The following RAD51 variants were observed in gnomAD, a reference collection of about 807,000 sequenced individuals.
RAD51 encodes the protein RAD51 recombinase.
A neutral mutation model predicts 41.5 loss-of-function variants in RAD51; 14 were observed. The observed-to-expected ratio is 0.34, with a 90% CI of 0.22 to 0.53. RAD51 has a LOEUF of 0.53. Among genes scored for constraint, RAD51 ranks in the 20% least tolerant of loss-of-function variants. RAD51 has a pLI of 0.95. For synonymous variants in RAD51, 136 were observed against 148.6 expected (o/e 0.92, Z 0.62); for missense variants, 234 against 422.0 (o/e 0.55, Z 3.90).
intron 2 of RAD51, 47 bp downstream of exon 2, chr15:40,698,892 A>G (rs1894816576): frequency 6.4e-7 from 1 of 1,554,306 alleles, no homozygotes; most frequent in African/African-American, 1.4e-5. Flanking sequence ...AGATTCTTCT[A>G]CCTAGTGGAA....
chr15:40,715,995 G>C (rs991510449), intron 5 of RAD51, among the ~76,000 whole-genome samples: 1 of 152,126 alleles, frequency 6.6e-6, no homozygotes, highest in Non-Finnish European at 1.5e-5. Context: ...TGTGTCCTTT[G>C]CTCCTTCCAT....
intron 6 of RAD51, among the ~76,000 whole-genome samples, chr15:40,724,821 G>A (rs758560916): frequency 1.1e-4 from 16 of 148,878 alleles, no homozygotes; most frequent in Admixed American, 2.7e-4. Flanking sequence ...TGGGACTACA[G>A]GCTTCCGCCA....
At chr15:40,712,877 CTTTTTTT>C (rs398039433) in intron 5 of RAD51, among the ~76,000 whole-genome samples, 2 of 103,898 alleles carry the variant, frequency 1.9e-5, no homozygotes, top group Non-Finnish European at 3.6e-5. Context: ...CTTTTCTTTT[CTTTTTTT>C]TTTTTTTTTT....
chr15:40,717,300 T>C (rs1160726495), intron 5 of RAD51, among the ~76,000 whole-genome samples: 1 of 151,980 alleles, frequency 6.6e-6, no homozygotes, highest in African/African-American at 2.4e-5. Context: ...ATCATGCCAT[T>C]GCACTCCAGC....
chr15:40,725,993 CA>C (rs1307737226), intron 6 of RAD51, among the ~76,000 whole-genome samples: 1 of 151,410 alleles, frequency 6.6e-6, no homozygotes, highest in Non-Finnish European at 1.5e-5. Flanking sequence ...CTCAAAAAAA[CA>C]AAACAACAAA....
chr15:40,720,250 A>ATT (rs1271160665), intron 6 of RAD51, among the ~76,000 whole-genome samples: 1 of 151,694 alleles, frequency 6.6e-6, no homozygotes, highest in Non-Finnish European at 1.5e-5. Context: ...AGCCTGGCTA[A>ATT]TTTTTGTATT....
At chr15:40,719,787 G>A (rs982278468) in intron 6 of RAD51, among the ~76,000 whole-genome samples, 3 of 151,752 alleles carry the variant, frequency 2.0e-5, no homozygotes, top group Non-Finnish European at 2.9e-5. Context: ...AGCCGAGATC[G>A]CGCCACTGCA....
At chr15:40,704,537 T>C (rs553849992) in intron 3 of RAD51, among the ~76,000 whole-genome samples, 1 of 151,364 alleles carries the variant, frequency 6.6e-6, no homozygotes, top group East Asian at 1.9e-4. Flanking sequence ...ATTTTTTGTA[T>C]TTTTAGTAGA....
At chr15:40,716,391 A>G (rs931046006) in intron 5 of RAD51, among the ~76,000 whole-genome samples, 2 of 151,736 alleles carry the variant, frequency 1.3e-5, no homozygotes, top group Non-Finnish European at 2.9e-5. Context: ...TTTTTAGACA[A>G]AGTCTCACTC....
chr15:40,711,288 C>T (rs1332313725), intron 5 of RAD51, among the ~76,000 whole-genome samples: 2 of 152,118 alleles, frequency 1.3e-5, no homozygotes, highest in Non-Finnish European at 2.9e-5. Flanking sequence ...ATTAGCCCAG[C>T]ATGATGATGT....
At chr15:40,713,186 T>C (rs1450933287) in intron 5 of RAD51, among the ~76,000 whole-genome samples, 1 of 146,010 alleles carries the variant, frequency 6.8e-6, no homozygotes, top group Non-Finnish European at 1.5e-5. Context: ...CTGGCCCAAG[T>C]TTATTTAAAT....
chr15:40,701,347 TTTTC>T, intron 3 of RAD51, 146 bp downstream of exon 3: 2 of 846,926 alleles, frequency 2.4e-6, no homozygotes, highest in Non-Finnish European at 3.6e-6. Context: ...TCTTTTCTTC[TTTTC>T]TTTTCTTTTC....
chr15:40,717,958 G>A (rs182686659), intron 5 of RAD51, among the ~76,000 whole-genome samples: 12 of 152,302 alleles, frequency 7.9e-5, no homozygotes, highest in African/African-American at 9.6e-5. Context: ...CTGGCCAGGT[G>A]TGGTGGCTCA....
intron 5 of RAD51, among the ~76,000 whole-genome samples, chr15:40,717,205 G>A (rs1896034523): frequency 6.6e-6 from 1 of 152,054 alleles, no homozygotes; most frequent in Non-Finnish European, 1.5e-5. Flanking sequence ...GGGCGTGGTG[G>A]TGCATGCCTG....
rs71104728 is a variant in RAD51, at chr15:40,710,241, CAAAAAA to C, written c.435+1149_435+1154del. Among the ~76,000 whole-genome samples, 52 of 44,286 alleles carry C rather than the reference CAAAAAA, an allele frequency of 1.2e-3. 1 individual carries two copies. The highest frequency in any genetic ancestry group is 5.2e-3 in the African/African-American group (43 of 8,326). 29.1% of individuals were successfully genotyped at this position (44,286 alleles called of 152,430 possible). A position where few individuals can be genotyped will look rare whatever the true frequency, so the allele number is the denominator to read the frequency against. On this transcript the variant is annotated intron_variant, in intron 5 of 9. Transcript: ENST00000267868. ...TGGGCGACAGAGCGAGACTCTGTCTCAAAAAAAAAAAAAAAAAAAAAAAAAAAAAGA... is the reference window on the plus strand; with the variant it reads ...TGGGCGACAGAGCGAGACTCTGTCTCAAAAAAAAAAAAAAAAAAAAAAAGA...
In RAD51 at chr15:40,729,586, G is replaced by A. The variant is rs756579046; in HGVS notation, c.726G>A (p.Gln242=). The change falls in exon 8 of 10, where the codon CAG becomes CAA. Residue 242 remains glutamine (Q), a synonymous_variant. Coordinates refer to ENST00000267868, the MANE Select transcript of RAD51 (RefSeq NM_002875.5). ...GTCGAGGTGAGCTTTCAGCCAGGCA[G>A]ATGCACTTGGCCAGGTTTCTGCGGA... The part of the protein sequence containing the change: ...YSGRGELSAR[Q]MHLARFLRML... 2 of 1,614,056 alleles carry A rather than the reference G, an allele frequency of 1.2e-6. No individual in the cohort carries two copies. The highest frequency in any genetic ancestry group is 1.7e-6 in the Non-Finnish European group (2 of 1,180,018).
intron 6 of RAD51, among the ~76,000 whole-genome samples, chr15:40,720,995 A>G (rs1461777542): frequency 6.6e-6 from 1 of 152,250 alleles, no homozygotes; most frequent in African/African-American, 2.4e-5. Context: ...CAGTCTGGCC[A>G]GCATGGCAAA....
chr15:40,728,373 C>A (rs760705643), intron 6 of RAD51, among the ~76,000 whole-genome samples: 3 of 151,864 alleles, frequency 2.0e-5, no homozygotes, highest in Admixed American at 2.0e-4. Flanking sequence ...AGGAGAATCG[C>A]GTGAACCCAG....
chr15:40,724,889 ATTTTTTTTTT>A (rs34086110), intron 6 of RAD51, among the ~76,000 whole-genome samples: 5 of 55,410 alleles, frequency 9.0e-5, no homozygotes, highest in Admixed American at 5.4e-4. Flanking sequence ...ATTTTTTTTA[ATTTTTTTTTT>A]TTTTTTTTTT....
Sources: allele counts gnomAD v4.1 joint callset (sites outside exome capture counted in the v4.1 genomes callset), GRCh38; gene constraint gnomAD v4.1.1; transcripts MANE v1.5; gene names NCBI Gene and HGNC (gene_info 2026-07-23, HGNC 2026-07-21).